The following KCNQ3 variants were observed in gnomAD, a reference collection of about 807,000 sequenced individuals.
KCNQ3 encodes the protein potassium voltage-gated channel subfamily Q member 3.
A neutral mutation model predicts 92.5 loss-of-function variants in KCNQ3; 30 were observed. The ratio of observed to expected loss-of-function variants is 0.32; its 90% CI spans 0.24 to 0.44. The LOEUF (loss-of-function observed/expected upper bound fraction) is 0.44. KCNQ3 is among the 20% of genes least tolerant of loss of function. The pLI is 1.00. For synonymous variants in KCNQ3, 450 were observed against 468.8 expected (o/e 0.96, Z 0.52); for missense variants, 913 against 1,140.3 (o/e 0.80, Z 2.87).
chr8:132,257,301 CAG>C (rs1183807758), intron 1 of KCNQ3, among the ~76,000 whole-genome samples: 6 of 151,846 alleles, frequency 4.0e-5, no homozygotes, highest in African/African-American at 1.5e-4. Flanking sequence ...CAAAAATAGA[CAG>C]TAATGAAAGA....
intron 1 of KCNQ3, among the ~76,000 whole-genome samples, chr8:132,233,704 G>A (rs1195943309): frequency 6.6e-6 from 1 of 152,168 alleles, no homozygotes; most frequent in Non-Finnish European, 1.5e-5. Context: ...GCTTAAGACA[G>A]ACATCAGCCT....
intron 12 of KCNQ3, among the ~76,000 whole-genome samples, chr8:132,137,455 ATTAG>A (rs927711914): frequency 2.9e-4 from 44 of 152,214 alleles, no homozygotes; most frequent in Admixed American, 2.6e-4. Flanking sequence ...GATGGCAATT[ATTAG>A]TTAGGCATTG....
intron 1 of KCNQ3, among the ~76,000 whole-genome samples, chr8:132,200,245 C>T (rs542699741): frequency 6.6e-6 from 1 of 152,178 alleles, no homozygotes; most frequent in Non-Finnish European, 1.5e-5. Flanking sequence ...GACCACCTAA[C>T]CCAGGTGTTA....
Position 132,352,987 on chromosome 8 carries a change from G to GATTAA in KCNQ3, c.386+127159_386+127160insTTAAT, listed in dbSNP as rs553459512. ...TAGGATTTTAATCCCAGCACTTTGG[G>GATTAA]AGGTCGAGGCGGGTGGATCACGAGG... is the stretch of plus-strand genomic sequence containing the variant. On this transcript the variant is annotated intron_variant, in intron 1 of 14. Transcript: ENST00000388996. Among the ~76,000 whole-genome samples the GATTAA allele has an allele frequency of 5.3e-5, 8 of 152,298 alleles. No homozygotes were observed. The East Asian group carries it at 1.6e-3, about 30-fold the overall frequency.
intron 1 of KCNQ3, among the ~76,000 whole-genome samples, chr8:132,309,527 G>A (rs1228427360): frequency 1.3e-5 from 2 of 152,178 alleles, no homozygotes; most frequent in Non-Finnish European, 2.9e-5. Context: ...TTTCAGGACC[G>A]GCACCCCAAA....
chr8:132,165,947 T>C (rs1304449491), intron 8 of KCNQ3, among the ~76,000 whole-genome samples: 3 of 152,244 alleles, frequency 2.0e-5, no homozygotes, highest in Non-Finnish European at 4.4e-5. Context: ...TATTTGGCCA[T>C]AGGAAATGAC....
At chr8:132,151,642 GTCA>G (rs1402885540) in intron 9 of KCNQ3, among the ~76,000 whole-genome samples, 6 of 152,274 alleles carry the variant, frequency 3.9e-5, no homozygotes, top group South Asian at 4.1e-4. Flanking sequence ...AAATTTCTGA[GTCA>G]TCATTTTGGC....
chr8:132,335,590 G>A (rs1334163806), intron 1 of KCNQ3, among the ~76,000 whole-genome samples: 1 of 152,156 alleles, frequency 6.6e-6, no homozygotes, highest in Admixed American at 6.6e-5. Context: ...CAAAGGTTGG[G>A]GATGTCAGGT....
chr8:132,391,818 G>T (rs1489593320), intron 1 of KCNQ3, among the ~76,000 whole-genome samples: 1 of 152,174 alleles, frequency 6.6e-6, no homozygotes, highest in African/African-American at 2.4e-5. Context: ...GCATCTGCTT[G>T]CAATACAGAT....
intron 1 of KCNQ3, among the ~76,000 whole-genome samples, chr8:132,204,683 G>T (rs985970865): frequency 6.6e-6 from 1 of 152,178 alleles, no homozygotes; most frequent in Admixed American, 6.5e-5. Flanking sequence ...GTAGATCTAG[G>T]TTTAACTTCT....
intron 1 of KCNQ3, among the ~76,000 whole-genome samples, chr8:132,314,649 G>A (rs1254352652): frequency 6.6e-6 from 1 of 152,210 alleles, no homozygotes; most frequent in Non-Finnish European, 1.5e-5. Flanking sequence ...CATGGAAACA[G>A]GTCTTAAGAA....
At chr8:132,358,580 A>C (rs1332149122) in intron 1 of KCNQ3, among the ~76,000 whole-genome samples, 1 of 152,180 alleles carries the variant, frequency 6.6e-6, no homozygotes, top group Non-Finnish European at 1.5e-5. Context: ...CGTTTGATTC[A>C]GAAAAAAAAT....
At chr8:132,235,280 A>G (rs1379934102) in intron 1 of KCNQ3, among the ~76,000 whole-genome samples, 2 of 152,108 alleles carry the variant, frequency 1.3e-5, no homozygotes, top group African/African-American at 4.8e-5. Flanking sequence ...TGGGGGGGGA[A>G]TCACCTGAGG....
At chr8:132,329,827 T>TA (rs1224440235) in intron 1 of KCNQ3, among the ~76,000 whole-genome samples, 1 of 152,218 alleles carries the variant, frequency 6.6e-6, no homozygotes, top group African/African-American at 2.4e-5. Flanking sequence ...TCCTCAGGAC[T>TA]ACCCCACATG....
At chr8:132,143,211 C>G (rs1662595836) in intron 9 of KCNQ3, among the ~76,000 whole-genome samples, 2 of 152,110 alleles carry the variant, frequency 1.3e-5, no homozygotes, top group African/African-American at 4.8e-5. Context: ...GCTCAGCCAG[C>G]TCCATCTTCC....
intron 1 of KCNQ3, among the ~76,000 whole-genome samples, chr8:132,324,325 T>C (rs146865257): frequency 1.6e-3 from 238 of 152,348 alleles, no homozygotes; most frequent in African/African-American, 5.6e-3. Flanking sequence ...TATAGAATTA[T>C]TGAGACCAGG....
At chr8:132,314,583 CA>C (rs1376579605) in intron 1 of KCNQ3, among the ~76,000 whole-genome samples, 16 of 151,968 alleles carry the variant, frequency 1.1e-4, no homozygotes, top group Admixed American at 1.0e-3. Flanking sequence ...ACAATAAGGT[CA>C]AAAATGGTTA....
chr8:132,313,860 C>T (rs568593150), intron 1 of KCNQ3, among the ~76,000 whole-genome samples: 4 of 152,242 alleles, frequency 2.6e-5, no homozygotes, highest in African/African-American at 9.6e-5. Flanking sequence ...TTTACTGAAT[C>T]GTCAACAGGC....
At chr8:132,183,239 CGTT>C (rs1054654621) in intron 3 of KCNQ3, among the ~76,000 whole-genome samples, 74 of 152,208 alleles carry the variant, frequency 4.9e-4, no homozygotes, top group African/African-American at 1.7e-3. Context: ...CCACTGATGA[CGTT>C]GTTTCTTGGT....
Sources: allele counts gnomAD v4.1 joint callset (sites outside exome capture counted in the v4.1 genomes callset), GRCh38; gene constraint gnomAD v4.1.1; transcripts MANE v1.5; gene names NCBI Gene and HGNC (gene_info 2026-07-23, HGNC 2026-07-21).